COL14A1: variants seen among roughly 807,000 people sequenced by gnomAD.
COL14A1 encodes the protein collagen alpha-1(XIV) chain.
A neutral mutation model predicts 230.3 loss-of-function variants in COL14A1; 136 were observed. The observed-to-expected ratio is 0.59, with a 90% CI of 0.51 to 0.68. The LOEUF (loss-of-function observed/expected upper bound fraction) is 0.68, where lower values mean the gene tolerates loss of function less well. Ranked by LOEUF, COL14A1 falls within the 30% of genes least tolerant of loss-of-function variation. COL14A1 has a pLI of 0.00. For synonymous variants in COL14A1, 792 were observed against 784.1 expected, an observed-to-expected ratio of 1.01 and a Z score of -0.17; for missense variants, 1,976 against 2,215.8, an observed-to-expected ratio of 0.89 and a Z score of 2.17.
intron 45 of COL14A1, among the ~76,000 whole-genome samples, chr8:120,355,292 T>C (rs986613926): frequency 2.0e-5 from 3 of 152,212 alleles, no homozygotes; most frequent in Admixed American, 1.3e-4. Flanking sequence ...TCTACACTGG[T>C]ATCTTGAGCC....
At chr8:120,248,913 C>CTTTT (rs1563695301) in intron 21 of COL14A1, among the ~76,000 whole-genome samples, 17 of 106,420 alleles carry the variant, frequency 1.6e-4, no homozygotes, top group South Asian at 2.9e-4. Context: ...TAGTTTCAAT[C>CTTTT]TTTCTTTTTT....
At chr8:120,345,850 G>C (rs1230623840) in intron 45 of COL14A1, among the ~76,000 whole-genome samples, 2 of 152,176 alleles carry the variant, frequency 1.3e-5, no homozygotes, top group Non-Finnish European at 2.9e-5. Context: ...AACCCCTCTA[G>C]ATGGATGAAG....
In COL14A1 at chr8:120,167,920, C is replaced by T. The variant is rs371675772; in HGVS notation, c.350-241C>T. 2.6e-5 allele frequency among the ~76,000 whole-genome samples: 4 copies of T among 152,186 alleles called. No individual in the cohort carries two copies. The East Asian group carries it at 5.8e-4, about 22-fold the overall frequency. On this transcript the variant is annotated intron_variant, in intron 4 of 47. Coordinates refer to ENST00000297848, the MANE Select transcript of COL14A1 (RefSeq NM_021110.4). ...GTTATGAAGGATTAAATATATGTGACACATCTGCCCATAGTGCATACTCAG... is the reference window on the plus strand; with the variant it reads ...GTTATGAAGGATTAAATATATGTGATACATCTGCCCATAGTGCATACTCAG...
At chr8:120,307,030 A>G (rs539713089) in intron 36 of COL14A1, among the ~76,000 whole-genome samples, 59 of 152,318 alleles carry the variant, frequency 3.9e-4, no homozygotes, top group Admixed American at 8.5e-4. Flanking sequence ...TGCTCAATAG[A>G]AGATTTAGAG....
chr8:120,313,881 G>T, intron 37 of COL14A1, 51 bp from the exon 38 acceptor site: 1 of 1,005,798 alleles, frequency 9.9e-7, no homozygotes, highest in Non-Finnish European at 1.5e-6. Context: ...TTTTCTAGAT[G>T]TCAGAGAGTC....
chr8:120,177,945 G>A (rs79473558), intron 5 of COL14A1, among the ~76,000 whole-genome samples: 4,322 of 151,954 alleles, frequency 0.028, 94 homozygotes, highest in Non-Finnish European at 0.045. Flanking sequence ...GATAAATGGG[G>A]AACACATAGG....
At chr8:120,203,618 A>G (rs376251101) in intron 8 of COL14A1, 91 bp from the exon 9 acceptor site, 5 of 1,175,512 alleles carry the variant, frequency 4.3e-6, no homozygotes, top group Non-Finnish European at 6.0e-6. Context: ...TGCAGTGAAG[A>G]TTGACTGACT....
chr8:120,300,437 A>G (rs1820675180), intron 35 of COL14A1, among the ~76,000 whole-genome samples: 1 of 152,080 alleles, frequency 6.6e-6, no homozygotes, highest in African/African-American at 2.4e-5. Flanking sequence ...ACAGAATTAA[A>G]TAGTAATCAA....
rs185021397 is a variant in COL14A1, at chr8:120,206,410, G to A, written c.1040-533G>A. On this transcript the variant is annotated intron_variant, in intron 9 of 47. Transcript: ENST00000297848. The stretch of plus-strand genomic sequence containing the variant: ...CTATCCCCCAGGCTGGAGTGCAGTG[G>A]CACGATCTCGGCTCACTGCAACCTC... 1.2e-3 allele frequency among the ~76,000 whole-genome samples: 180 copies of A among 152,310 alleles called. No individual in the cohort carries two copies. In the East Asian group the frequency reaches 0.034, roughly 29 times the overall value.
At chr8:120,221,487 T>G (rs1433199927) in intron 14 of COL14A1, among the ~76,000 whole-genome samples, 1 of 152,096 alleles carries the variant, frequency 6.6e-6, no homozygotes, top group African/African-American at 2.4e-5. Flanking sequence ...GCTGAAATTA[T>G]GTAAAATATA....
intron 38 of COL14A1, among the ~76,000 whole-genome samples, chr8:120,314,494 G>T (rs1009559443): frequency 1.3e-5 from 2 of 152,054 alleles, no homozygotes; most frequent in African/African-American, 2.4e-5. Flanking sequence ...ATTTTTAGAT[G>T]ATGTATTTTA....
At chr8:120,266,585 T>C (rs976305638) in intron 24 of COL14A1, among the ~76,000 whole-genome samples, 4 of 152,074 alleles carry the variant, frequency 2.6e-5, no homozygotes, top group African/African-American at 9.7e-5. Context: ...TTTGATTTCA[T>C]TGACTCCTGC....
chr8:120,364,895 A>G (rs1823355283), intron 45 of COL14A1, among the ~76,000 whole-genome samples: 1 of 151,968 alleles, frequency 6.6e-6, no homozygotes, highest in African/African-American at 2.4e-5. Context: ...TTAAAAAAAA[A>G]AAGAAAAGAA....
chr8:120,190,644 G>C (rs1416840721), intron 5 of COL14A1, among the ~76,000 whole-genome samples: 1 of 152,124 alleles, frequency 6.6e-6, no homozygotes, highest in Non-Finnish European at 1.5e-5. Context: ...TGTACCTCTG[G>C]TAGAATTCGG....
intron 14 of COL14A1, among the ~76,000 whole-genome samples, chr8:120,223,099 C>T (rs952045436): frequency 2.0e-5 from 3 of 152,080 alleles, no homozygotes. Flanking sequence ...AAGGCAAGGA[C>T]CTGAAAGGAG....
At chr8:120,218,458 C>A (rs1003798647) in intron 14 of COL14A1, among the ~76,000 whole-genome samples, 7 of 151,556 alleles carry the variant, frequency 4.6e-5, no homozygotes, top group Admixed American at 6.6e-5. Flanking sequence ...TACAGGCGTG[C>A]GCCACTGTGC....
Position 120,246,041 on chromosome 8 carries a change from A to G in COL14A1, c.2480-1572A>G, listed in dbSNP as rs112795888. Among the ~76,000 whole-genome samples, 709 of 152,324 alleles carry G rather than the reference A, an allele frequency of 4.7e-3. 6 individuals are homozygous for G. Among genetic ancestry groups the G allele is most frequent in the African/African-American group, 0.015 (631 of 41,578 alleles). On this transcript the variant is annotated intron_variant, in intron 20 of 47. Transcript: ENST00000297848. ...TATCCATCATAATTACCAAATGGTG[A>G]CATGTGGTTAGGTTCAAAATGGTGT...
At chr8:120,237,662 G>A (rs1027991562) in intron 19 of COL14A1, among the ~76,000 whole-genome samples, 4 of 152,180 alleles carry the variant, frequency 2.6e-5, no homozygotes, top group African/African-American at 9.6e-5. Context: ...TGCTGGCGAG[G>A]AGTTGCGATC....
chr8:120,223,769 G>A (rs982606370), intron 14 of COL14A1, among the ~76,000 whole-genome samples: 12 of 152,130 alleles, frequency 7.9e-5, no homozygotes, highest in African/African-American at 2.2e-4. Context: ...TTGCTCTCAG[G>A]TAAATATGGT....
Sources: gnomAD v4.1 joint callset for allele counts (sites outside exome capture counted in the v4.1 genomes callset) on GRCh38, gnomAD v4.1.1 for gene constraint, MANE v1.5 for transcripts, NCBI Gene and HGNC (gene_info 2026-07-23, HGNC 2026-07-21) for gene names.